Variants in MYOM2 observed in about 807,000 individuals in gnomAD.
The protein encoded by MYOM2 is myomesin 2, also known as myomesin-2.
In MYOM2, 254 loss-of-function variants were observed where a neutral mutation model predicts 187.6. The observed-to-expected ratio is 1.35, with a 90% CI of 1.22 to 1.50. MYOM2 has a LOEUF of 1.50. Ranked by LOEUF, MYOM2 falls within the 40% of genes most tolerant of loss-of-function variation. The probability of loss-of-function intolerance (pLI) is 0.00; values close to 1 mark genes in which losing one functional copy is unlikely to be tolerated. For missense variants in MYOM2, 2,796 were observed against 1,924.0 expected (o/e 1.45, Z -8.48); for synonymous variants, 981 against 753.8 (o/e 1.30, Z -4.94).
At chr8:2,077,874 GT>G (rs1819488211) in intron 11 of MYOM2, among the ~76,000 whole-genome samples, 1 of 152,192 alleles carries the variant, frequency 6.6e-6, no homozygotes, top group Non-Finnish European at 1.5e-5. Context: ...GAAGTTGCAG[GT>G]TTTCCCATCA....
chr8:2,105,585 GAA>G (rs1796861675), intron 21 of MYOM2, among the ~76,000 whole-genome samples: 1 of 152,202 alleles, frequency 6.6e-6, no homozygotes, highest in African/African-American at 2.4e-5. Context: ...ATTCCAGAGA[GAA>G]CAGGATCTTC....
intron 25 of MYOM2, among the ~76,000 whole-genome samples, chr8:2,111,693 C>T (rs62478424): frequency 0.036 from 5,526 of 152,268 alleles, 142 homozygotes; most frequent in Admixed American, 0.082. Context: ...CCAAGAGCGA[C>T]GTCAGTCTCC....
At chr8:2,046,504 G>A (rs1443175636) in intron 1 of MYOM2, among the ~76,000 whole-genome samples, 1 of 152,144 alleles carries the variant, frequency 6.6e-6, no homozygotes, top group African/African-American at 2.4e-5. Context: ...CCCTGGGGAC[G>A]GTCTGTGCTA....
rs1796750480 is a variant in MYOM2 at position 2,102,737 on chromosome 8, A to G, written c.2690A>G (p.Lys897Arg). The change falls in exon 21 of 37, where the codon AAG (lysine) becomes AGG (arginine). Residue 897 changes from lysine (K) to arginine (R), a missense_variant. Lys to Arg is a conservative substitution (Grantham distance 26). Transcript: ENST00000262113. Reference protein sequence around the residue: ...VRAVNANGVGKPSDTSEPVLV... With the variant: ...VRAVNANGVGRPSDTSEPVLV... ...GCAGTCAATGCAAATGGCGTGGGGA[A>G]GCCCTCAGACACGTCGGAGCCTGTG... The G allele has an allele frequency of 6.2e-7, 1 of 1,614,118 alleles. No individual in the cohort carries two copies.
At chr8:2,092,545 G>C (rs1796343620) in intron 16 of MYOM2, 25 bp downstream of exon 16, 1 of 1,610,998 alleles carries the variant, frequency 6.2e-7, no homozygotes. Context: ...CCCAGCCCTG[G>C]AGTCAGCCTT....
intron 32 of MYOM2, among the ~76,000 whole-genome samples, chr8:2,137,189 G>A (rs2116908337): frequency 6.6e-6 from 1 of 151,582 alleles, no homozygotes; most frequent in Admixed American, 6.6e-5. Context: ...TTGAGTTAAT[G>A]GTGATCAAGA....
rs570179522 is a variant in MYOM2 at position 2,124,322 on chromosome 8, G to C, written c.3694+105G>C. On this transcript the variant is annotated intron_variant, in intron 31 of 36. Transcript: ENST00000262113. ...AAAGAGGGCACCATGGAGCTGTGGT[G>C]CGTGTTCTGTGGGAGGCCCTGGATG... 5.9e-6 allele frequency: 7 copies of C among 1,192,762 alleles called. No homozygotes were observed. In the South Asian group the frequency reaches 8.0e-5, roughly 14 times the overall value. The allele number at this position is 1,192,762 out of a possible 1,614,324, so 73.9% of individuals were successfully genotyped here. A position where few individuals can be genotyped will look rare whatever the true frequency, so the allele number is the denominator to read the frequency against.
intron 32 of MYOM2, among the ~76,000 whole-genome samples, chr8:2,132,434 A>G (rs1051174686): frequency 1.3e-5 from 2 of 152,232 alleles, no homozygotes; most frequent in Admixed American, 6.5e-5. Flanking sequence ...AATTCAGTAA[A>G]AATGTTCTTA....
intron 8 of MYOM2, 95 bp downstream of exon 8, chr8:2,069,592 T>TA: frequency 6.7e-7 from 1 of 1,501,250 alleles, no homozygotes; most frequent in Non-Finnish European, 9.2e-7. Flanking sequence ...AAATCTTTTT[T>TA]TTTTTTTGAG....
chr8:2,123,694 G>C (rs370063907), intron 30 of MYOM2, 52 bp downstream of exon 30: 139 of 1,495,764 alleles, frequency 9.3e-5, no homozygotes, highest in Non-Finnish European at 1.2e-4. Flanking sequence ...TTCACCAACA[G>C]GATGGGATGT....
intron 3 of MYOM2, 124 bp downstream of exon 3, chr8:2,052,437 T>G (rs1238211556): frequency 9.5e-7 from 1 of 1,055,634 alleles, no homozygotes; most frequent in East Asian, 2.9e-5. Context: ...AGGCCATGCC[T>G]GGGGTGAGAG....
intron 6 of MYOM2, among the ~76,000 whole-genome samples, chr8:2,067,873 G>T (rs895816693): frequency 3.3e-5 from 5 of 152,136 alleles, no homozygotes; most frequent in Non-Finnish European, 5.9e-5. Flanking sequence ...ATTACTTTGG[G>T]ATTCTGGATG....
intron 32 of MYOM2, among the ~76,000 whole-genome samples, chr8:2,132,007 A>G (rs927119355): frequency 6.6e-6 from 1 of 152,240 alleles, no homozygotes; most frequent in Non-Finnish European, 1.5e-5. Flanking sequence ...CTATTTGACT[A>G]TTAAACAACA....
chr8:2,064,607 G>A (rs1053333698), intron 6 of MYOM2, among the ~76,000 whole-genome samples: 1 of 152,226 alleles, frequency 6.6e-6, no homozygotes, highest in African/African-American at 2.4e-5. Flanking sequence ...AGCACCAAGT[G>A]CTAATTGGTG....
intron 1 of MYOM2, among the ~76,000 whole-genome samples, chr8:2,048,995 C>G (rs12678534): frequency 0.043 from 6,499 of 151,914 alleles, 277 homozygotes; most frequent in East Asian, 0.12. Context: ...GTTTCACCAT[C>G]TTAGCCAGGG....
intron 32 of MYOM2, among the ~76,000 whole-genome samples, chr8:2,137,495 G>A (rs1351885029): frequency 3.3e-5 from 5 of 152,162 alleles, no homozygotes; most frequent in African/African-American, 1.2e-4. Flanking sequence ...TGGAGGTTCA[G>A]GCTGGAATCC....
chr8:2,114,205 C>T (rs1256085706), intron 25 of MYOM2, among the ~76,000 whole-genome samples: 1 of 152,202 alleles, frequency 6.6e-6, no homozygotes, highest in Non-Finnish European at 1.5e-5. Context: ...GCATGGCCCT[C>T]AGGGAACTCC....
At chr8:2,067,156 A>C (rs1348599522) in intron 6 of MYOM2, among the ~76,000 whole-genome samples, 9 of 152,198 alleles carry the variant, frequency 5.9e-5, no homozygotes, top group Admixed American at 5.9e-4. Flanking sequence ...GAGAAACGGA[A>C]ATTTTTGATC....
At chr8:2,100,145 C>CTTCCTTCCTTCTTTCT (rs1796653119) in intron 19 of MYOM2, among the ~76,000 whole-genome samples, 1 of 135,396 alleles carries the variant, frequency 7.4e-6, no homozygotes, top group African/African-American at 2.9e-5. Flanking sequence ...TCCTTCCTTC[C>CTTCCTTCCTTCTTTCT]TTCCTTCCTT....
Sources: gnomAD v4.1 joint callset for allele counts (sites outside exome capture counted in the v4.1 genomes callset) on GRCh38, gnomAD v4.1.1 for gene constraint, MANE v1.5 for transcripts, NCBI Gene and HGNC (gene_info 2026-07-23, HGNC 2026-07-21) for gene names.